HDAC9: variants seen among roughly 807,000 people sequenced by gnomAD.
HDAC9 encodes the protein MEF-2 interacting transcription repressor (MITR) protein.
In HDAC9, 41 loss-of-function variants were observed where a neutral mutation model predicts 139.4. The observed-to-expected ratio is 0.29, with a 90% CI of 0.23 to 0.38. The LOEUF (loss-of-function observed/expected upper bound fraction) is 0.38. Ranked by LOEUF, HDAC9 falls within the 10% of genes least tolerant of loss-of-function variation. The probability of loss-of-function intolerance (pLI) is 1.00; values close to 1 mark genes in which losing one functional copy is unlikely to be tolerated. For missense variants in HDAC9, 1,147 were observed against 1,297.0 expected (o/e 0.88, Z 1.78); for synonymous variants, 517 against 476.2 (o/e 1.09, Z -1.12).
chr7:18,648,410 A>G lies in HDAC9; in HGVS notation c.1250-56A>G, dbSNP rs112491951. The G allele has an allele frequency of 7.7e-3, 8,115 of 1,054,888 alleles. 179 individuals carry two copies. The African/African-American group carries it at 0.077, about 10-fold the overall frequency. The allele number at this position is 1,054,888 out of a possible 1,614,324, so 65.3% of individuals were successfully genotyped here. A position where few individuals can be genotyped will look rare whatever the true frequency, so the allele number is the denominator to read the frequency against. ...TTTTCTTAAAATTGTGTGTGTGTGT[A>G]TGTGTGTGTGTGTGTGTGTGTGTAT... On this transcript the variant is annotated intron_variant, in intron 10 of 25. Transcript: ENST00000686413.
chr7:18,722,639 A>G (rs895102384), intron 12 of HDAC9, among the ~76,000 whole-genome samples: 3 of 152,174 alleles, frequency 2.0e-5, no homozygotes, highest in African/African-American at 7.2e-5. Context: ...CTGGGTATCT[A>G]TCCTAAAATA....
chr7:18,290,240 A>T (rs541784050), upstream of HDAC9: 1 of 313,972 alleles, frequency 3.2e-6, no homozygotes, highest in Non-Finnish European at 6.4e-6. Flanking sequence ...TCATGCCTGC[A>T]TACCAGCTAT....
intron 1 of HDAC9, among the ~76,000 whole-genome samples, chr7:18,459,960 T>A (rs1586061789): frequency 6.6e-6 from 1 of 151,672 alleles, no homozygotes; most frequent in Non-Finnish European, 1.5e-5. Flanking sequence ...TTTTTTTTTT[T>A]CGAGACAGAG....
chr7:18,699,553 A>G (rs1241370146), intron 12 of HDAC9, among the ~76,000 whole-genome samples: 8 of 152,222 alleles, frequency 5.3e-5, no homozygotes, highest in Non-Finnish European at 1.2e-4. Context: ...AGGTTCTTGT[A>G]TATCATACAA....
chr7:18,095,622 T>C (rs1049885147), intron 1 of HDAC9, among the ~76,000 whole-genome samples: 3 of 152,164 alleles, frequency 2.0e-5, no homozygotes, highest in Non-Finnish European at 2.9e-5. Flanking sequence ...AGACTACAGG[T>C]CTGTACAGTA....
chr7:18,937,129 A>T (rs1585354723), intron 23 of HDAC9, among the ~76,000 whole-genome samples: 1 of 130,232 alleles, frequency 7.7e-6, no homozygotes, highest in Non-Finnish European at 1.6e-5. Flanking sequence ...AACCTCCGCC[A>T]CCCGGGTTGA....
chr7:18,374,426 G>A (rs1461895884), intron 1 of HDAC9, among the ~76,000 whole-genome samples: 5 of 151,970 alleles, frequency 3.3e-5, no homozygotes, highest in African/African-American at 4.8e-5. Flanking sequence ...AGAGAGTATA[G>A]CCTACTACAC....
intron 12 of HDAC9, among the ~76,000 whole-genome samples, chr7:18,709,162 A>G (rs1490579671): frequency 6.6e-6 from 1 of 150,922 alleles, no homozygotes. Flanking sequence ...TGCTTCACCT[A>G]TTGACACATT....
chr7:18,560,244 C>T (rs1330917306), intron 2 of HDAC9, among the ~76,000 whole-genome samples: 1 of 152,126 alleles, frequency 6.6e-6, no homozygotes, highest in African/African-American at 2.4e-5. Flanking sequence ...TAACTGGGCT[C>T]ACTCCTGCTA....
intron 2 of HDAC9, among the ~76,000 whole-genome samples, chr7:18,182,920 A>G (rs1412708016): frequency 1.3e-5 from 2 of 152,048 alleles, no homozygotes; most frequent in African/African-American, 2.4e-5. Flanking sequence ...CGGAAGAAAG[A>G]GAGAAGAGTA....
chr7:18,925,126 A>C, intron 22 of HDAC9, among the ~76,000 whole-genome samples: 2 of 152,268 alleles, frequency 1.3e-5, no homozygotes, highest in South Asian at 4.1e-4. Context: ...ACAGTCATTA[A>C]CGTTTGAGGA....
intron 22 of HDAC9, among the ~76,000 whole-genome samples, chr7:18,935,582 T>A (rs1781574443): frequency 6.6e-6 from 1 of 152,160 alleles, no homozygotes; most frequent in African/African-American, 2.4e-5. Flanking sequence ...GGTGCCAGTC[T>A]TGGTTGTGAT....
At chr7:18,629,517 A>T (rs761643405) in intron 7 of HDAC9, 36 bp downstream of exon 7, 15 of 1,570,778 alleles carry the variant, frequency 9.5e-6, no homozygotes, top group Non-Finnish European at 1.2e-5. Context: ...GAATGCTGGG[A>T]GTAGGAATGA....
At chr7:18,528,024 T>A (rs1266493473) in intron 2 of HDAC9, among the ~76,000 whole-genome samples, 1 of 152,034 alleles carries the variant, frequency 6.6e-6, no homozygotes, top group Non-Finnish European at 1.5e-5. Flanking sequence ...GGCATGGTGG[T>A]TCACTTCTGT....
intron 2 of HDAC9, among the ~76,000 whole-genome samples, chr7:18,168,865 G>C: frequency 6.9e-6 from 1 of 145,260 alleles, no homozygotes; most frequent in Non-Finnish European, 1.5e-5. Flanking sequence ...GTTCTGAGGA[G>C]GTGCAAATGT....
intron 1 of HDAC9, among the ~76,000 whole-genome samples, chr7:18,467,169 A>T (rs754950132): frequency 6.6e-6 from 1 of 152,074 alleles, no homozygotes; most frequent in Non-Finnish European, 1.5e-5. Flanking sequence ...CTACTCACAC[A>T]TTCCAAACTT....
At chr7:18,509,234 AT>A (rs1011330918) in intron 2 of HDAC9, 2 of 981,656 alleles carry the variant, frequency 2.0e-6, no homozygotes, top group African/African-American at 3.5e-5. Flanking sequence ...TCAAAGCACA[AT>A]TAGAATAGAG....
chr7:18,930,828 A>C (rs1804675445), intron 22 of HDAC9, among the ~76,000 whole-genome samples: 1 of 152,098 alleles, frequency 6.6e-6, no homozygotes, highest in African/African-American at 2.4e-5. Context: ...ATCAAAGATT[A>C]ACTTCATTCC....
intron 21 of HDAC9, among the ~76,000 whole-genome samples, chr7:18,848,709 C>G (rs188777600): frequency 6.6e-6 from 1 of 152,064 alleles, no homozygotes; most frequent in East Asian, 1.9e-4. Context: ...AAGACAGACA[C>G]TATAAAGATC....
Sources: allele counts gnomAD v4.1 joint callset (sites outside exome capture counted in the v4.1 genomes callset), GRCh38; gene constraint gnomAD v4.1.1; transcripts MANE v1.5; gene names NCBI Gene and HGNC (gene_info 2026-07-23, HGNC 2026-07-21).